CNMD: variants seen among roughly 807,000 people sequenced by gnomAD.
CNMD encodes the protein leukocyte cell-derived chemotaxin 1.
A neutral mutation model predicts 37.5 loss-of-function variants in CNMD; 30 were observed. The ratio of observed to expected loss-of-function variants is 0.80; its 90% CI spans 0.60 to 1.09. The LOEUF is 1.09. Among genes scored for constraint, CNMD ranks in the 50% least tolerant of loss-of-function variants. CNMD has a pLI of 0.00. For missense variants in CNMD, 398 were observed against 423.9 expected, an observed-to-expected ratio of 0.94 and a Z score of 0.54; for synonymous variants, 167 against 148.2, an observed-to-expected ratio of 1.13 and a Z score of -0.92.
At chr13:52,725,642 A>G (rs1964559740) in intron 3 of CNMD, among the ~76,000 whole-genome samples, 1 of 152,210 alleles carries the variant, frequency 6.6e-6, no homozygotes, top group South Asian at 2.1e-4. Flanking sequence ...TAGTGAATCT[A>G]AAATAAAGGC....
chr13:52,722,590 T>C (rs1278239439), intron 4 of CNMD, among the ~76,000 whole-genome samples: 1 of 152,142 alleles, frequency 6.6e-6, no homozygotes, highest in Admixed American at 6.5e-5. Context: ...TCCACGTTTT[T>C]CTGACTTCAA....
chr13:52,726,510 T>TAAAA (rs79307237), intron 3 of CNMD, among the ~76,000 whole-genome samples: 2 of 136,064 alleles, frequency 1.5e-5, no homozygotes, highest in South Asian at 4.6e-4. Context: ...TGTTTACAGC[T>TAAAA]AAAAAAAAAA....
chr13:52,716,037 C>T (rs9526988), intron 4 of CNMD, among the ~76,000 whole-genome samples: 5,829 of 152,182 alleles, frequency 0.038, 138 homozygotes, highest in South Asian at 0.064. Flanking sequence ...TTTTGATGAT[C>T]GCCATTCTAA....
chr13:52,739,774 G>T lies in CNMD; in HGVS notation c.-73C>A. The T allele has an allele frequency of 1.5e-6, 2 of 1,366,826 alleles. No homozygotes were observed. The highest frequency in any genetic ancestry group is 2.1e-6 in the Non-Finnish European group (2 of 961,296). The allele number at this position is 1,366,826 out of a possible 1,614,324, so 84.7% of individuals were successfully genotyped here. ...GGGATCTGTCCCGCTGCCCCGACGT[G>T]CAGGGCATTTCAACGCCGCGCGCAC... On this transcript the variant is annotated 5_prime_UTR_variant, in exon 1 of 7. The change creates a premature stop within an existing upstream ORF in the 5' untranslated region. Coordinates refer to ENST00000377962, the MANE Select transcript of CNMD (RefSeq NM_007015.3). This position sits in a 1 kb window ranked among gnomAD's most constrained non-coding sequence, Gnocchi z 5.4.
chr13:52,733,101 A>T (rs758280144), intron 3 of CNMD, 118 bp downstream of exon 3: 6 of 976,440 alleles, frequency 6.1e-6, no homozygotes, highest in Non-Finnish European at 9.8e-6. Context: ...TGGCACTACA[A>T]CTGCTATAAA....
At chr13:52,712,384 A>G (rs1257280815) in intron 5 of CNMD, among the ~76,000 whole-genome samples, 1 of 152,230 alleles carries the variant, frequency 6.6e-6, no homozygotes, top group Non-Finnish European at 1.5e-5. Flanking sequence ...AGAAATAAAA[A>G]AAATGTAAAA....
chr13:52,733,866 T>A (rs1197926064), intron 2 of CNMD, among the ~76,000 whole-genome samples: 1 of 152,234 alleles, frequency 6.6e-6, no homozygotes, highest in Non-Finnish European at 1.5e-5. Flanking sequence ...GTTGTTTTCA[T>A]CCTTTGGTCA....
intron 3 of CNMD, among the ~76,000 whole-genome samples, chr13:52,731,031 G>A (rs985624354): frequency 3.9e-5 from 6 of 152,130 alleles, no homozygotes. Context: ...TTAGAACCCT[G>A]GAGCGAGACT....
chr13:52,728,576 C>G lies in CNMD; in HGVS notation c.355-4466G>C, dbSNP rs982900030. 5.3e-5 allele frequency among the ~76,000 whole-genome samples: 8 copies of G among 152,254 alleles called. No individual in the cohort carries two copies. In the East Asian group the frequency reaches 1.5e-3, roughly 29 times the overall value. On this transcript the variant is annotated intron_variant, in intron 3 of 6. Coordinates refer to ENST00000377962, the MANE Select transcript of CNMD (RefSeq NM_007015.3). ...TATGCTACCTCCTGTAGGGCTGCTG[C>G]TCTTATTTGGCATGTAAATTTAGGA...
At chr13:52,727,368 A>C (rs1408652377) in intron 3 of CNMD, among the ~76,000 whole-genome samples, 2 of 152,048 alleles carry the variant, frequency 1.3e-5, no homozygotes, top group African/African-American at 4.8e-5. Context: ...TAAATAAAAA[A>C]GAATAAAAAA....
At chr13:52,708,747 G>A in intron 5 of CNMD, 45 bp from the exon 6 acceptor site, 2 of 1,439,312 alleles carry the variant, frequency 1.4e-6, no homozygotes, top group South Asian at 1.3e-5. Flanking sequence ...GAATAATTAA[G>A]GAAATTAGAT....
chr13:52,706,431 A>G (rs1215894504), intron 6 of CNMD, among the ~76,000 whole-genome samples: 2 of 152,214 alleles, frequency 1.3e-5, no homozygotes, highest in Non-Finnish European at 2.9e-5. Flanking sequence ...CTGTTCACCT[A>G]TGTATCTCAA....
intron 4 of CNMD, among the ~76,000 whole-genome samples, chr13:52,719,731 C>T (rs964642739): frequency 3.3e-5 from 5 of 152,086 alleles, no homozygotes; most frequent in Admixed American, 6.5e-5. Flanking sequence ...GTGGGTAACC[C>T]GAACTTTCTC....
rs34921261 is a variant in CNMD at position 52,705,060 on chromosome 13, G to GAA, written c.790-1252_790-1251dup. Reference sequence around the variant, plus strand: ...GTAACAAGAGTGAAACTCTGTCTTGGAAAAAAAAAAAATTTCAAACATACT... The same window carrying GAA: ...GTAACAAGAGTGAAACTCTGTCTTGGAAAAAAAAAAAAAATTTCAAACATACT... On this transcript the variant is annotated intron_variant, in intron 6 of 6. Coordinates refer to ENST00000377962, the MANE Select transcript of CNMD (RefSeq NM_007015.3). 6.3e-3 allele frequency among the ~76,000 whole-genome samples: 940 copies of GAA among 148,468 alleles called. 9 individuals carry two copies. The highest frequency in any genetic ancestry group is 0.02 in the African/African-American group (794 of 40,510).
chr13:52,716,683 C>G (rs1049318588), intron 4 of CNMD, among the ~76,000 whole-genome samples: 1 of 152,108 alleles, frequency 6.6e-6, no homozygotes, highest in Non-Finnish European at 1.5e-5. Context: ...TTTCTGAGGG[C>G]TCTGTTCTGT....
chr13:52,735,682 TAAAA>T (rs138863152), intron 2 of CNMD, among the ~76,000 whole-genome samples: 1 of 142,750 alleles, frequency 7.0e-6, no homozygotes, highest in African/African-American at 2.6e-5. Context: ...AAAAAAAATC[TAAAA>T]AAAAAAAAAA....
intron 3 of CNMD, among the ~76,000 whole-genome samples, chr13:52,725,781 T>C (rs1387222197): frequency 6.6e-6 from 1 of 151,948 alleles, no homozygotes; most frequent in African/African-American, 2.4e-5. Context: ...AGAATGGGGG[T>C]AGAAAACACT....
chr13:52,727,343 C>G (rs1730485519), intron 3 of CNMD, among the ~76,000 whole-genome samples: 1 of 151,736 alleles, frequency 6.6e-6, no homozygotes, highest in Non-Finnish European at 1.5e-5. Flanking sequence ...TTGAAATAAC[C>G]CAGTCAGACA....
chr13:52,703,924 G>T, intron 6 of CNMD, 114 bp from the exon 7 acceptor site: 2 of 835,006 alleles, frequency 2.4e-6, no homozygotes. Flanking sequence ...GGTGTAATCT[G>T]TAAAGGGTTT....
Sources: gnomAD v4.1 joint callset for allele counts (sites outside exome capture counted in the v4.1 genomes callset) on GRCh38, gnomAD v4.1.1 for gene constraint, Gnocchi (gnomAD v3.1) non-coding constraint, MANE v1.5 for transcripts, NCBI Gene and HGNC (gene_info 2026-07-23, HGNC 2026-07-21) for gene names.